The following RARS2 variants were observed in gnomAD, a reference collection of about 807,000 sequenced individuals.
RARS2 encodes probable arginine--tRNA ligase, mitochondrial.
In RARS2, 67 loss-of-function variants were observed where a neutral mutation model predicts 88.5. The observed-to-expected ratio is 0.76, with a 90% CI of 0.62 to 0.93. The LOEUF (loss-of-function observed/expected upper bound fraction) is 0.93, where lower values mean the gene tolerates loss of function less well. Among genes scored for constraint, RARS2 ranks in the 40% least tolerant of loss-of-function variants. The pLI is 0.00. For missense variants in RARS2, 664 were observed against 684.2 expected (o/e 0.97, Z 0.33); for synonymous variants, 239 against 230.3 (o/e 1.04, Z -0.34).
chr6:87,572,156 A>G (rs1339902448), intron 1 of RARS2, among the ~76,000 whole-genome samples: 1 of 151,938 alleles, frequency 6.6e-6, no homozygotes, highest in East Asian at 1.9e-4. Flanking sequence ...TAGTTAAGAG[A>G]CCTTGAGAAA....
At chr6:87,549,818 G>A (rs911155309) in intron 5 of RARS2, among the ~76,000 whole-genome samples, 2 of 152,170 alleles carry the variant, frequency 1.3e-5, no homozygotes, top group African/African-American at 2.4e-5. Flanking sequence ...CTGGGACAAC[G>A]AAGAGAGATG....
intron 3 of RARS2, 74 bp downstream of exon 3, chr6:87,564,056 A>G: frequency 9.1e-7 from 1 of 1,096,506 alleles, no homozygotes. Context: ...ATTATGGCTG[A>G]GATAGCCTGC....
chr6:87,542,063 G>C (rs1248991499), intron 7 of RARS2, 69 bp from the exon 8 acceptor site: 4 of 1,224,366 alleles, frequency 3.3e-6, no homozygotes, highest in Non-Finnish European at 4.8e-6. Context: ...ACAGGGAATA[G>C]GTATAATTCT....
intron 18 of RARS2, 117 bp downstream of exon 18, chr6:87,516,689 C>T (rs1416663652): frequency 7.1e-7 from 1 of 1,411,512 alleles, no homozygotes; most frequent in African/African-American, 1.4e-5. Flanking sequence ...AGCAATAATT[C>T]CTGTAACTAA....
At chr6:87,581,769 C>T (rs1214850023) in intron 1 of RARS2, among the ~76,000 whole-genome samples, 2 of 152,154 alleles carry the variant, frequency 1.3e-5, no homozygotes, top group Non-Finnish European at 2.9e-5. Flanking sequence ...CCACCCCCAA[C>T]AAACGCTGGT....
intron 8 of RARS2, among the ~76,000 whole-genome samples, chr6:87,537,616 G>A (rs956671754): frequency 3.9e-5 from 6 of 152,166 alleles, no homozygotes; most frequent in African/African-American, 1.4e-4. Flanking sequence ...TAATATTTAG[G>A]GTTGTGGATA....
intron 10 of RARS2, among the ~76,000 whole-genome samples, chr6:87,528,253 A>C (rs1053212795): frequency 2.0e-3 from 300 of 152,268 alleles, no homozygotes; most frequent in African/African-American, 7.0e-3. Context: ...AAAAAAAAAA[A>C]AAAAAAAGAT....
At chr6:87,568,753 GAGA>G (rs1423085057) in intron 2 of RARS2, among the ~76,000 whole-genome samples, 6 of 152,068 alleles carry the variant, frequency 3.9e-5, no homozygotes, top group Admixed American at 3.9e-4. Flanking sequence ...GTTCTATTCT[GAGA>G]AGAATATTCA....
chr6:87,578,112 C>G (rs998843358), intron 1 of RARS2, among the ~76,000 whole-genome samples: 11 of 148,608 alleles, frequency 7.4e-5, no homozygotes, highest in Middle Eastern at 3.4e-3. Flanking sequence ...GCGAGACCCC[C>G]CCCCCCGCCA....
chr6:87,530,427 T>G (rs2128061208), intron 9 of RARS2, among the ~76,000 whole-genome samples: 1 of 152,382 alleles, frequency 6.6e-6, no homozygotes, highest in South Asian at 2.1e-4. Context: ...AGGGTTTTCC[T>G]CTTCTATTCG....
At chr6:87,517,485 A>G (rs1477468396) in intron 17 of RARS2, among the ~76,000 whole-genome samples, 2 of 152,236 alleles carry the variant, frequency 1.3e-5, no homozygotes, top group African/African-American at 4.8e-5. Context: ...AATATAAATT[A>G]GCAAAGTCTA....
At chr6:87,541,334 G>C (rs899584701) in intron 8 of RARS2, among the ~76,000 whole-genome samples, 9 of 151,986 alleles carry the variant, frequency 5.9e-5, no homozygotes, top group African/African-American at 2.2e-4. Context: ...AGGCCACTGT[G>C]CCTGGCTAAT....
intron 8 of RARS2, among the ~76,000 whole-genome samples, chr6:87,538,938 G>A (rs1780041028): frequency 6.6e-6 from 1 of 151,992 alleles, no homozygotes; most frequent in African/African-American, 2.4e-5. Flanking sequence ...GGTTGCTGAG[G>A]TGGGAGAATC....
At chr6:87,589,348 C>T (rs978908292) in intron 1 of RARS2, among the ~76,000 whole-genome samples, 1 of 152,206 alleles carries the variant, frequency 6.6e-6, no homozygotes, top group Admixed American at 6.5e-5. Flanking sequence ...CCGTTCTCCA[C>T]AAAAAGGAAA....
rs138056455 is a variant in RARS2 at position 87,536,000 on chromosome 6, A to C, written c.613-5058T>G. On this transcript the variant is annotated intron_variant, in intron 8 of 19. Coordinates refer to ENST00000369536, the MANE Select transcript of RARS2 (RefSeq NM_020320.5). ...GCACCTGGCCTATGTAACCTTTTTT[A>C]ATGTCAGTGCTAGGATACAGGCTAA... Among the ~76,000 whole-genome samples, 379 of 151,992 alleles carry C rather than the reference A, an allele frequency of 2.5e-3. 2 individuals are homozygous for C. Among genetic ancestry groups the C allele is most frequent in the African/African-American group, 8.8e-3 (365 of 41,462 alleles).
At chr6:87,518,349 A>G (rs2127999410) in intron 16 of RARS2, 85 bp from the exon 17 acceptor site, 3 of 1,599,596 alleles carry the variant, frequency 1.9e-6, no homozygotes, top group Admixed American at 1.7e-5. Flanking sequence ...ACATGACCTT[A>G]TAATACACAA....
chr6:87,563,065 T>C (rs1211815322), intron 3 of RARS2, among the ~76,000 whole-genome samples: 1 of 152,138 alleles, frequency 6.6e-6, no homozygotes, highest in African/African-American at 2.4e-5. Flanking sequence ...GTAAGAAAAA[T>C]CACTCTACCC....
intron 1 of RARS2, among the ~76,000 whole-genome samples, chr6:87,587,831 G>A (rs1437956378): frequency 1.3e-5 from 2 of 151,946 alleles, no homozygotes; most frequent in East Asian, 1.9e-4. Context: ...GAAGTGCAGC[G>A]GTGCAATCAA....
intron 1 of RARS2, among the ~76,000 whole-genome samples, chr6:87,582,607 A>G (rs1773955500): frequency 6.6e-6 from 1 of 152,190 alleles, no homozygotes; most frequent in Admixed American, 6.5e-5. Context: ...TTGTGCTTCT[A>G]AGCAGAATGG....
Sources: gnomAD v4.1 joint callset for allele counts (sites outside exome capture counted in the v4.1 genomes callset) on GRCh38, gnomAD v4.1.1 for gene constraint, MANE v1.5 for transcripts, NCBI Gene and HGNC (gene_info 2026-07-23, HGNC 2026-07-21) for gene names.